The following SHROOM2 variants were observed in gnomAD, a reference collection of about 807,000 sequenced individuals.
SHROOM2 encodes the protein shroom family member 2, also known as protein Shroom2.
A neutral mutation model predicts 75.9 loss-of-function variants in SHROOM2; 33 were observed. The observed-to-expected ratio is 0.43, with a 90% confidence interval of 0.33 to 0.58. SHROOM2 has a LOEUF of 0.58. SHROOM2 is among the 20% of genes least tolerant of loss of function. The pLI is 0.04. For missense variants in SHROOM2, 1,434 were observed against 1,461.2 expected (o/e 0.98, Z 0.30); for synonymous variants, 655 against 663.6 (o/e 0.99, Z 0.20).
chrX:9,803,483 C>T (rs973106047), intron 1 of SHROOM2, among the ~76,000 whole-genome samples: 3 of 111,268 alleles, frequency 2.7e-5, no homozygotes, highest in Non-Finnish European at 5.7e-5. Context: ...GGTGGAGAGG[C>T]AGGCCTCCAT....
intron 1 of SHROOM2, among the ~76,000 whole-genome samples, chrX:9,858,036 C>T (rs2084082431): frequency 8.9e-6 from 1 of 111,743 alleles, no homozygotes; most frequent in African/African-American, 3.3e-5. Context: ...ATGTTTTCCC[C>T]GTGTTGCCTT....
chrX:9,944,713 G>C lies in SHROOM2; in HGVS notation c.4384G>C (p.Val1462Leu), dbSNP rs774546080. ...REARESLLED[V>L]QANTVLGAEV... ...GGCCCGCGAGAGCCTGCTGGAGGACGTGCAGGCCAACACCGTGCTGGGGGC... is the reference window on the plus strand; with the variant it reads ...GGCCCGCGAGAGCCTGCTGGAGGACCTGCAGGCCAACACCGTGCTGGGGGC... Residue 1462 changes from valine to leucine, a missense_variant, in exon 9 of 10, where the codon GTG (valine) becomes CTG (leucine). By Grantham distance (32) the Val-to-Leu change is conservative. Transcript: ENST00000380913. The C allele has an allele frequency of 1.7e-6, 2 of 1,211,677 alleles. No homozygotes were observed. The highest frequency in any genetic ancestry group is 2.2e-6 in the Non-Finnish European group (2 of 895,148).
chrX:9,836,276 A>G (rs2083944287), intron 1 of SHROOM2, among the ~76,000 whole-genome samples: 1 of 112,022 alleles, frequency 8.9e-6, no homozygotes, highest in Admixed American at 9.5e-5. Context: ...TTTTCTCTCT[A>G]AAAAGAGGGG....
At chrX:9,911,746 G>C (rs1278591736) in intron 5 of SHROOM2, among the ~76,000 whole-genome samples, 1 of 111,885 alleles carries the variant, frequency 8.9e-6, no homozygotes, top group Non-Finnish European at 1.9e-5. Flanking sequence ...CTTGTTAGTT[G>C]CTTGATGGGT....
intron 1 of SHROOM2, among the ~76,000 whole-genome samples, chrX:9,847,745 G>A: frequency 8.9e-6 from 1 of 111,755 alleles, no homozygotes; most frequent in Non-Finnish European, 1.9e-5. Context: ...TTCTGGTAAT[G>A]CCTAAATGCT....
chrX:9,922,329 G>A (rs985944757), intron 5 of SHROOM2, among the ~76,000 whole-genome samples: 1 of 111,623 alleles, frequency 9.0e-6, no homozygotes, highest in Non-Finnish European at 1.9e-5. Flanking sequence ...AAGTTGCTGG[G>A]ACTCCAGGCA....
intron 3 of SHROOM2, among the ~76,000 whole-genome samples, chrX:9,891,892 T>C (rs6640546): frequency 0.03 from 3,047 of 102,643 alleles, 98 homozygotes; most frequent in African/African-American, 0.092. Flanking sequence ...TGTGTGTGTG[T>C]GCGCGTGCGT....
chrX:9,907,406 G>A lies in SHROOM2; in HGVS notation c.2891+9116G>A, dbSNP rs1025209735. On this transcript the variant is annotated intron_variant, in intron 5 of 9. Coordinates refer to ENST00000380913, the MANE Select transcript of SHROOM2 (RefSeq NM_001649.4). ...CTGTATGCACCAGAGCACCCTCCCG[G>A]CTCCCCTTCTCCTAAGCAAATCCCA... Among the ~76,000 whole-genome samples, 8 of 110,899 alleles carry A rather than the reference G, an allele frequency of 7.2e-5. No homozygotes were observed. The East Asian group carries it at 2.3e-3, about 32-fold the overall frequency.
intron 1 of SHROOM2, among the ~76,000 whole-genome samples, chrX:9,808,315 G>C (rs1659781651): frequency 9.3e-6 from 1 of 107,315 alleles, no homozygotes; most frequent in Non-Finnish European, 1.9e-5. Flanking sequence ...CCAGTGCTTT[G>C]GGAGGATCAC....
intron 5 of SHROOM2, among the ~76,000 whole-genome samples, chrX:9,920,395 T>C (rs980842912): frequency 8.9e-6 from 1 of 112,490 alleles, no homozygotes; most frequent in Admixed American, 9.5e-5. Flanking sequence ...CATTTGTGGC[T>C]CAGAAGAGCA....
At chrX:9,935,360 A>G (rs1294151713) in intron 6 of SHROOM2, among the ~76,000 whole-genome samples, 2 of 107,842 alleles carry the variant, frequency 1.9e-5, no homozygotes, top group Non-Finnish European at 3.8e-5. Context: ...TTTTTAACAG[A>G]GAGGTGGGGA....
chrX:9,876,357 C>T (rs2084200918), intron 2 of SHROOM2, among the ~76,000 whole-genome samples: 1 of 112,188 alleles, frequency 8.9e-6, no homozygotes, highest in Non-Finnish European at 1.9e-5. Flanking sequence ...AATACTCCAA[C>T]TACCTTTATG....
At position 9,895,159 on chromosome X, in the gene SHROOM2, G is replaced by A; in HGVS notation, c.1251G>A (p.Val417=). Residue 417 remains valine, a synonymous_variant, in exon 4 of 10, where the codon GTG becomes GTA. Coordinates refer to ENST00000380913, the MANE Select transcript of SHROOM2 (RefSeq NM_001649.4). ...RLQASLSSSD[V]RFPQSPHSGR... ...AGGCCTCTCTGTCCAGCTCAGATGTGCGCTTCCCTCAGTCTCCTCATAGCG... is the reference window on the plus strand; with the variant it reads ...AGGCCTCTCTGTCCAGCTCAGATGTACGCTTCCCTCAGTCTCCTCATAGCG... 1 of 1,211,983 alleles carries A rather than the reference G, an allele frequency of 8.3e-7. No individual in the cohort carries two copies. Among genetic ancestry groups the A allele is most frequent in the Non-Finnish European group, 1.1e-6 (1 of 895,571 alleles).
rs1293537759 is a variant in SHROOM2 at position 9,823,756 on chromosome X, C to CTTTTTTTTTTTTTTTTTTTTTTTT, written c.165+37052_165+37053insTTTTTTTTTTTTTTTTTTTTTTTT. 2.3e-5 allele frequency among the ~76,000 whole-genome samples: 2 copies of CTTTTTTTTTTTTTTTTTTTTTTTT among 85,915 alleles called. 1 individual carries two copies. The allele number at this position is 85,915 out of a possible 115,157, so 74.6% of individuals were successfully genotyped here. ...ACATTTTTTTTCTTTTTTCTTTTTT[C>CTTTTTTTTTTTTTTTTTTTTTTTT]TTTTTTCTTTTTTTTTTTTTGAGAC... On this transcript the variant is annotated intron_variant, in intron 1 of 9. Transcript: ENST00000380913.
chrX:9,925,020 A>G (rs1392620584), intron 5 of SHROOM2, among the ~76,000 whole-genome samples: 1 of 110,618 alleles, frequency 9.0e-6, no homozygotes, highest in Non-Finnish European at 1.9e-5. Flanking sequence ...ACACTGTTTA[A>G]AATGTTTCTA....
intron 2 of SHROOM2, among the ~76,000 whole-genome samples, chrX:9,879,542 T>C (rs2084220115): frequency 8.9e-6 from 1 of 112,747 alleles, no homozygotes; most frequent in Admixed American, 9.4e-5. Context: ...ATTACAGGCG[T>C]GAGCCACTGC....
chrX:9,875,939 A>C (rs1024453149), intron 2 of SHROOM2, among the ~76,000 whole-genome samples: 2 of 112,584 alleles, frequency 1.8e-5, no homozygotes, highest in Non-Finnish European at 3.7e-5. Flanking sequence ...GTTCAAAGGA[A>C]AGCCATGCCA....
intron 6 of SHROOM2, among the ~76,000 whole-genome samples, chrX:9,936,595 G>T (rs917910063): frequency 4.5e-5 from 5 of 111,314 alleles, no homozygotes; most frequent in African/African-American, 1.3e-4. Flanking sequence ...GGCACAGGAG[G>T]TTCTCCCAAG....
At chrX:9,834,028 C>G (rs1347657980) in intron 1 of SHROOM2, among the ~76,000 whole-genome samples, 5 of 112,419 alleles carry the variant, frequency 4.4e-5, no homozygotes, top group Non-Finnish European at 7.5e-5. Context: ...ACTTTGCTCC[C>G]CAGACATTTG....
Sources: gnomAD v4.1 joint callset for allele counts (sites outside exome capture counted in the v4.1 genomes callset) on GRCh38, gnomAD v4.1.1 for gene constraint, MANE v1.5 for transcripts, NCBI Gene and HGNC (gene_info 2026-07-23, HGNC 2026-07-21) for gene names.